The following MDM1 variants were observed in gnomAD, a reference collection of about 807,000 sequenced individuals.
MDM1 encodes the protein Mdm1 nuclear protein.
Under a neutral mutation model 89.1 loss-of-function variants are expected in MDM1, and 61 were observed. The observed-to-expected ratio is 0.68, with a 90% CI of 0.56 to 0.85. The LOEUF is 0.85. MDM1 is among the 40% of genes least tolerant of loss of function. The probability of loss-of-function intolerance (pLI) is 0.00; values close to 1 mark genes in which losing one functional copy is unlikely to be tolerated. For synonymous variants in MDM1, 290 were observed against 294.1 expected (o/e 0.99, Z 0.14); for missense variants, 820 against 846.5 (o/e 0.97, Z 0.39).
chr12:68,328,569 T>C (rs915246395), intron 2 of MDM1, among the ~76,000 whole-genome samples: 1 of 152,168 alleles, frequency 6.6e-6, no homozygotes, highest in South Asian at 2.1e-4. Context: ...AAATTTATTA[T>C]AAAAAATAGC....
chr12:68,323,040 T>G, intron 5 of MDM1, 33 bp downstream of exon 5: 2 of 1,568,330 alleles, frequency 1.3e-6, no homozygotes, highest in East Asian at 4.7e-5. Flanking sequence ...ATAACGGGGA[T>G]TTTGTTTTGT....
chr12:68,328,259 G>A (rs946979365), intron 2 of MDM1, among the ~76,000 whole-genome samples: 6 of 152,172 alleles, frequency 3.9e-5, no homozygotes, highest in African/African-American at 1.4e-4. Flanking sequence ...ATAGCTCCAT[G>A]GATTTTCCAT....
chr12:68,313,441 A>C lies in MDM1; in HGVS notation c.1749+2T>G. 6.3e-7 allele frequency: 1 copy of C among 1,599,668 alleles called. No homozygotes were observed. Among genetic ancestry groups the C allele is most frequent in the Non-Finnish European group, 8.6e-7 (1 of 1,167,330 alleles). On this transcript the variant is annotated splice_donor_variant, in intron 12 of 14. Coordinates refer to ENST00000682720, the MANE Select transcript of MDM1 (RefSeq NM_001354969.2). LOFTEE classifies it high-confidence loss of function. ...ATGCTTTTTTCCCCAAAACATGTTT[A>C]CCTTAGTAAAATCATTCTTTGAAGT...
At chr12:68,327,681 C>T (rs893120890) in intron 2 of MDM1, among the ~76,000 whole-genome samples, 11 of 152,044 alleles carry the variant, frequency 7.2e-5, no homozygotes, top group Non-Finnish European at 1.0e-4. Context: ...TTCTTTAAGA[C>T]AGTTGCAGGG....
At chr12:68,322,123 T>A (rs1875310914) in intron 5 of MDM1, among the ~76,000 whole-genome samples, 1 of 152,244 alleles carries the variant, frequency 6.6e-6, no homozygotes, top group Non-Finnish European at 1.5e-5. Flanking sequence ...AATTACATAC[T>A]TTCTATTTTT....
chr12:68,322,251 A>G (rs959812446), intron 5 of MDM1, among the ~76,000 whole-genome samples: 3 of 152,232 alleles, frequency 2.0e-5, no homozygotes, highest in Non-Finnish European at 4.4e-5. Context: ...TGGCTGTAAT[A>G]TCACACAGAA....
chr12:68,312,184 A>AATAT (rs1488525721), intron 12 of MDM1, among the ~76,000 whole-genome samples: 1 of 152,096 alleles, frequency 6.6e-6, no homozygotes, highest in South Asian at 2.1e-4. Flanking sequence ...CTAAGCTATA[A>AATAT]AGAGCCTCAA....
At chr12:68,327,236 G>T in intron 2 of MDM1, 1 of 1,404,220 alleles carries the variant, frequency 7.1e-7, no homozygotes, top group Non-Finnish European at 9.2e-7. Context: ...TTAAAAATTT[G>T]ACCATAACAA....
At chr12:68,307,970 TA>T (rs952093836) in intron 12 of MDM1, among the ~76,000 whole-genome samples, 412 of 137,490 alleles carry the variant, frequency 3.0e-3, no homozygotes, top group African/African-American at 3.7e-3. Flanking sequence ...AAAATTAAAT[TA>T]AAAAAAAAAA....
chr12:68,323,799 G>C (rs945221934), intron 4 of MDM1, among the ~76,000 whole-genome samples: 21 of 152,146 alleles, frequency 1.4e-4, no homozygotes, highest in African/African-American at 5.1e-4. Context: ...AAAGCAAATG[G>C]AAAAGATGGG....
chr12:68,323,360 T>C (rs1390225441), intron 4 of MDM1, 120 bp from the exon 5 acceptor site: 8 of 660,878 alleles, frequency 1.2e-5, no homozygotes, highest in African/African-American at 5.7e-5. Context: ...AAGTTATATA[T>C]GATTTTAATT....
chr12:68,325,274 A>G, intron 4 of MDM1, 167 bp downstream of exon 4: 1 of 1,287,240 alleles, frequency 7.8e-7, no homozygotes, highest in Non-Finnish European at 9.9e-7. Context: ...TTACTACCAT[A>G]AATCATAAGT....
intron 1 of MDM1, 88 bp downstream of exon 1, chr12:68,332,140 G>A: frequency 6.7e-7 from 1 of 1,494,304 alleles, no homozygotes; most frequent in Non-Finnish European, 9.0e-7. Context: ...GGGCTGCAGC[G>A]CAGAAAAGCA....
At chr12:68,332,066 G>A (rs1593002902) in intron 1 of MDM1, 162 bp downstream of exon 1, 1 of 886,810 alleles carries the variant, frequency 1.1e-6, no homozygotes, top group African/African-American at 1.7e-5. Flanking sequence ...TAGGTTAAGA[G>A]GCGGCGGGCA....
chr12:68,297,490 C>A (rs758581827), intron 13 of MDM1, among the ~76,000 whole-genome samples: 2 of 152,326 alleles, frequency 1.3e-5, no homozygotes, highest in East Asian at 1.9e-4. Context: ...AAGAAACAAC[C>A]AACTTGTTCC....
intron 4 of MDM1, among the ~76,000 whole-genome samples, chr12:68,324,022 T>C (rs2121112239): frequency 6.6e-6 from 1 of 152,316 alleles, no homozygotes; most frequent in African/African-American, 2.4e-5. Context: ...AGAGGTTTCC[T>C]ATCAACAAGC....
intron 13 of MDM1, among the ~76,000 whole-genome samples, chr12:68,298,451 G>A (rs1871702902): frequency 6.6e-6 from 1 of 152,052 alleles, no homozygotes; most frequent in African/African-American, 2.4e-5. Context: ...GCTCATGAAG[G>A]GTCTTGGAGA....
At chr12:68,327,330 CCAGGCAGTA>C in intron 2 of MDM1, 1 of 1,483,808 alleles carries the variant, frequency 6.7e-7, no homozygotes, top group Non-Finnish European at 8.9e-7. Flanking sequence ...ACCTGGCAGG[CCAGGCAGTA>C]CATGCTGCCT....
At chr12:68,306,680 A>C (rs1049872453) in intron 12 of MDM1, among the ~76,000 whole-genome samples, 5 of 152,258 alleles carry the variant, frequency 3.3e-5, no homozygotes, top group Admixed American at 6.5e-5. Context: ...CCATAATGAG[A>C]TATCATCTCA....
Sources: allele counts gnomAD v4.1 joint callset (sites outside exome capture counted in the v4.1 genomes callset), GRCh38; gene constraint gnomAD v4.1.1; transcripts MANE v1.5; gene names NCBI Gene and HGNC (gene_info 2026-07-23, HGNC 2026-07-21).